NBEA: variants seen among roughly 807,000 people sequenced by gnomAD.
NBEA encodes the protein lysosomal-trafficking regulator 2.
In NBEA, 44 loss-of-function variants were observed where a neutral mutation model predicts 343.4. The ratio of observed to expected loss-of-function variants is 0.13; its 90% CI spans 0.10 to 0.16. NBEA has a LOEUF of 0.16. Among genes scored for constraint, NBEA ranks in the 10% least tolerant of loss-of-function variants. NBEA has a pLI of 1.00. For synonymous variants in NBEA, 1,175 were observed against 1,238.7 expected (o/e 0.95, Z 1.08); for missense variants, 2,555 against 3,631.3 (o/e 0.70, Z 7.62).
At position 35,513,093 on chromosome 13, in the gene NBEA, G is replaced by A. The variant is rs151115530; in HGVS notation, c.6586-37384G>A. Among the ~76,000 whole-genome samples, 243 of 149,902 alleles carry A rather than the reference G, an allele frequency of 1.6e-3. 1 individual carries two copies. Among genetic ancestry groups the A allele is most frequent in the African/African-American group, 5.4e-3 (222 of 40,890 alleles). On this transcript the variant is annotated intron_variant, in intron 41 of 58. Transcript: ENST00000379939. ...TAATTGTGCAATTATTCCTGAACTC[G>A]TTTGTTTTTATCTTCATTACCTTTG...
At chr13:35,547,961 C>T (rs1299916233) in intron 41 of NBEA, among the ~76,000 whole-genome samples, 1 of 152,106 alleles carries the variant, frequency 6.6e-6, no homozygotes, top group African/African-American at 2.4e-5. Context: ...TGCTACAGAA[C>T]GGCTCGGGGT....
chr13:35,637,395 T>A (rs1375129363), intron 49 of NBEA, among the ~76,000 whole-genome samples: 2 of 152,152 alleles, frequency 1.3e-5, no homozygotes, highest in Middle Eastern at 3.4e-3. Context: ...AATATGGCAA[T>A]CGTTCAAAAA....
At chr13:35,249,920 T>C (rs2031753039) in intron 34 of NBEA, among the ~76,000 whole-genome samples, 1 of 152,198 alleles carries the variant, frequency 6.6e-6, no homozygotes, top group African/African-American at 2.4e-5. Flanking sequence ...TTCTGACACA[T>C]GTTGCCACAT....
At chr13:35,463,536 G>T (rs926285542) in intron 40 of NBEA, among the ~76,000 whole-genome samples, 1 of 151,948 alleles carries the variant, frequency 6.6e-6, no homozygotes, top group African/African-American at 2.4e-5. Context: ...GATGTGGGAG[G>T]ATCCCTTGAG....
chr13:35,645,188 C>T (rs1351901504), intron 49 of NBEA, among the ~76,000 whole-genome samples: 1 of 152,194 alleles, frequency 6.6e-6, no homozygotes, highest in Non-Finnish European at 1.5e-5. Context: ...TACCAACTCA[C>T]CTGTGCTTCT....
rs139847312 is a variant in NBEA, at chr13:35,520,458, C to T, written c.6586-30019C>T. Among the ~76,000 whole-genome samples the T allele has an allele frequency of 2.0e-3, 297 of 152,246 alleles. 3 individuals are homozygous for T. The highest frequency in any genetic ancestry group is 6.9e-3 in the African/African-American group (285 of 41,536). On this transcript the variant is annotated intron_variant, in intron 41 of 58. Coordinates refer to ENST00000379939, the MANE Select transcript of NBEA (RefSeq NM_001385012.1). ...ATTCTAACATTTCCTCTCATTAGCA[C>T]TGAGAAAGTTTTTATAGGATAAGGG...
At chr13:35,166,171 A>G (rs1013743774) in intron 24 of NBEA, among the ~76,000 whole-genome samples, 1 of 152,194 alleles carries the variant, frequency 6.6e-6, no homozygotes, top group Non-Finnish European at 1.5e-5. Context: ...TGCATGGAAC[A>G]TAAAATGCTT....
chr13:35,375,676 C>T (rs1345975309), intron 38 of NBEA, among the ~76,000 whole-genome samples: 1 of 152,102 alleles, frequency 6.6e-6, no homozygotes, highest in East Asian at 1.9e-4. Flanking sequence ...GACAAGTTAA[C>T]TTGTGTTTCT....
chr13:34,983,198 G>C (rs1441316104), intron 1 of NBEA, among the ~76,000 whole-genome samples: 5 of 151,876 alleles, frequency 3.3e-5, no homozygotes, highest in Non-Finnish European at 5.9e-5. Context: ...CAGGCCCCAG[G>C]GTGTGATGTT....
chr13:35,228,319 G>T (rs2074774969), intron 33 of NBEA, among the ~76,000 whole-genome samples: 1 of 149,706 alleles, frequency 6.7e-6, no homozygotes, highest in African/African-American at 2.4e-5. Context: ...TGTTAGAGTG[G>T]TTTATAATTT....
intron 43 of NBEA, among the ~76,000 whole-genome samples, chr13:35,553,591 C>T (rs1298051276): frequency 6.6e-6 from 1 of 151,934 alleles, no homozygotes; most frequent in Non-Finnish European, 1.5e-5. Flanking sequence ...AGATATTCTG[C>T]CAGAGATATT....
At chr13:34,950,100 G>T (rs1358682062) in intron 1 of NBEA, among the ~76,000 whole-genome samples, 3 of 152,010 alleles carry the variant, frequency 2.0e-5, no homozygotes, top group Non-Finnish European at 4.4e-5. Flanking sequence ...TTTATGGTCT[G>T]GGGCTTCACT....
chr13:35,471,324 G>T (rs896927172), intron 40 of NBEA, among the ~76,000 whole-genome samples: 5 of 152,180 alleles, frequency 3.3e-5, no homozygotes, highest in African/African-American at 1.2e-4. Context: ...CCGCCCGGAG[G>T]GCCGAGGCCT....
intron 34 of NBEA, among the ~76,000 whole-genome samples, chr13:35,240,370 A>G (rs2030015480): frequency 6.6e-6 from 1 of 151,910 alleles, no homozygotes; most frequent in South Asian, 2.1e-4. Context: ...TAAGAATTTA[A>G]TAGATCTAAG....
At chr13:35,211,000 A>AT (rs1455903316) in intron 32 of NBEA, 53 bp from the exon 33 acceptor site, 1 of 1,516,532 alleles carries the variant, frequency 6.6e-7, no homozygotes, top group Non-Finnish European at 8.9e-7. Context: ...TGTAATTAAA[A>AT]TTTTTTTAAA....
chr13:35,566,829 G>A (rs978785188), intron 44 of NBEA, 76 bp from the exon 45 acceptor site: 5 of 772,378 alleles, frequency 6.5e-6, no homozygotes, highest in Non-Finnish European at 1.1e-5. Context: ...AAATTCAGTA[G>A]ATGCTTTGTA....
intron 1 of NBEA, among the ~76,000 whole-genome samples, chr13:34,948,146 G>C (rs568361800): frequency 6.6e-6 from 1 of 152,138 alleles, no homozygotes; most frequent in Non-Finnish European, 1.5e-5. Context: ...TGTGTCTGGC[G>C]TACATGTCAC....
chr13:35,298,557 A>T (rs573085948), intron 35 of NBEA, among the ~76,000 whole-genome samples: 1 of 151,910 alleles, frequency 6.6e-6, no homozygotes, highest in Admixed American at 6.6e-5. Flanking sequence ...AACCTAATAA[A>T]CATGAGTGTT....
rs926001544 is a variant in NBEA at position 35,048,463 on chromosome 13, T to C, written c.724-100T>C. On this transcript the variant is annotated intron_variant, in intron 4 of 58. Coordinates refer to ENST00000379939, the MANE Select transcript of NBEA (RefSeq NM_001385012.1). ...TTTGTTTGTGATTTTCTGGTATTTATACTTTGATTGTTATTTAATCTGCAA... is the reference window on the plus strand; with the variant it reads ...TTTGTTTGTGATTTTCTGGTATTTACACTTTGATTGTTATTTAATCTGCAA... 10 of 1,098,630 alleles carry C rather than the reference T, an allele frequency of 9.1e-6. 2 individuals are homozygous for C. The Admixed American group carries it at 1.2e-4, about 13-fold the overall frequency. The allele number at this position is 1,098,630 out of a possible 1,614,324, so 68.1% of individuals were successfully genotyped here.
Sources: gnomAD v4.1 joint callset for allele counts (sites outside exome capture counted in the v4.1 genomes callset) on GRCh38, gnomAD v4.1.1 for gene constraint, MANE v1.5 for transcripts, NCBI Gene and HGNC (gene_info 2026-07-23, HGNC 2026-07-21) for gene names.